The following MYO9B variants were observed in gnomAD, a reference collection of about 807,000 sequenced individuals.
The protein encoded by MYO9B is myosin IXB, also known as unconventional myosin-IXb.
A neutral mutation model predicts 229.5 loss-of-function variants in MYO9B; 71 were observed. The observed-to-expected ratio is 0.31, with a 90% CI of 0.26 to 0.38. The LOEUF is 0.38. Among genes scored for constraint, MYO9B ranks in the 10% least tolerant of loss-of-function variants. The pLI is 1.00. For synonymous variants in MYO9B, 1,185 were observed against 1,235.8 expected (o/e 0.96, Z 0.86); for missense variants, 2,255 against 2,920.5 (o/e 0.77, Z 5.25).
In MYO9B at chr19:17,188,027, C is replaced by T. The variant is rs368693824; in HGVS notation, c.2670C>T (p.Ser890=). ...ETVRIRRSGY[S]AKYTFQDFTE... is the part of the protein sequence containing the mutation. Reference sequence around the variant, plus strand: ...TGCGCATCCGGAGGTCAGGGTACAGCGCCAAGTACACGTTCCAGGTAGGCC... The same window carrying T: ...TGCGCATCCGGAGGTCAGGGTACAGTGCCAAGTACACGTTCCAGGTAGGCC... The change falls in exon 19 of 40, where the codon AGC becomes AGT. Residue 890 remains serine, a synonymous_variant. Transcript: ENST00000682292. The T allele has an allele frequency of 1.2e-4, 185 of 1,596,406 alleles. No individual in the cohort carries two copies. Among genetic ancestry groups the T allele is most frequent in the Admixed American group, 6.6e-4 (38 of 57,298 alleles).
intron 2 of MYO9B, among the ~76,000 whole-genome samples, chr19:17,115,161 TTTCC>T (rs757514269): frequency 1.2e-3 from 183 of 152,172 alleles, no homozygotes; most frequent in Non-Finnish European, 2.2e-3. Context: ...CAAGGTTTCA[TTTCC>T]TTTGGTATCT....
At chr19:17,152,580 ACTC>A in intron 3 of MYO9B, 61 bp from the exon 4 acceptor site, 2 of 1,425,162 alleles carry the variant, frequency 1.4e-6, no homozygotes, top group Non-Finnish European at 1.9e-6. Context: ...AAAAAAAACA[ACTC>A]AATATTAACA....
In MYO9B at chr19:17,212,865, A is replaced by C. The variant is rs56318210; in HGVS notation, c.*555A>C. The stretch of plus-strand genomic sequence containing the variant: ...GTCACCTGACCCGTGCCTCTCTGAC[A>C]CATGTCTCCGGGGGGCAGCCACCTG... On this transcript the variant is annotated 3_prime_UTR_variant, in exon 40 of 40. Transcript: ENST00000682292. The surrounding 1 kb of genome is among the most constrained non-coding windows in gnomAD (Gnocchi z 5.4). 2 of 152,266 alleles carry C rather than the reference A, an allele frequency of 1.3e-5. No individual in the cohort carries two copies. The highest frequency in any genetic ancestry group is 4.8e-5 in the African/African-American group (2 of 41,384). The allele number at this position is 152,266 out of a possible 1,614,324, so 9.4% of individuals were successfully genotyped here. A position where few individuals can be genotyped will look rare whatever the true frequency, so the allele number is the denominator to read the frequency against.
intron 2 of MYO9B, among the ~76,000 whole-genome samples, chr19:17,108,866 A>G (rs952442253): frequency 1.3e-5 from 2 of 150,126 alleles, no homozygotes; most frequent in Non-Finnish European, 3.0e-5. Flanking sequence ...GGCGCCCACC[A>G]CCGTGCCCGG....
At chr19:17,110,021 C>A (rs192034405) in intron 2 of MYO9B, among the ~76,000 whole-genome samples, 3 of 152,198 alleles carry the variant, frequency 2.0e-5, no homozygotes, top group African/African-American at 4.8e-5. Context: ...CCCAGCCCCC[C>A]GTTCAGGCTG....
At chr19:17,175,529 A>G in intron 13 of MYO9B, 134 bp from the exon 14 acceptor site, 1 of 549,494 alleles carries the variant, frequency 1.8e-6, no homozygotes, top group Non-Finnish European at 3.0e-6. Flanking sequence ...CAGTGGGCCG[A>G]GATCGCGCCA....
intron 2 of MYO9B, among the ~76,000 whole-genome samples, chr19:17,143,750 G>A (rs757889893): frequency 1.4e-4 from 22 of 152,018 alleles, no homozygotes; most frequent in Non-Finnish European, 1.9e-4. Flanking sequence ...GTGAAACCCC[G>A]TCTCTACTAC....
At chr19:17,096,712 T>TG (rs1187211057) in intron 1 of MYO9B, among the ~76,000 whole-genome samples, 2 of 146,276 alleles carry the variant, frequency 1.4e-5, no homozygotes, top group African/African-American at 2.5e-5. Context: ...GTTGGTTTTT[T>TG]TTTTTTTTTT....
chr19:17,125,939 C>G (rs990610113), intron 2 of MYO9B, among the ~76,000 whole-genome samples: 2 of 152,196 alleles, frequency 1.3e-5, no homozygotes, highest in South Asian at 2.1e-4. Flanking sequence ...CGCAGGCCAA[C>G]TGAGCCTGCA....
chr19:17,134,812 G>A (rs1192163623), intron 2 of MYO9B, among the ~76,000 whole-genome samples: 1 of 151,656 alleles, frequency 6.6e-6, no homozygotes, highest in Admixed American at 6.6e-5. Context: ...TGCTCAGGTC[G>A]GAGTGCAGTA....
At chr19:17,096,385 G>A (rs2057688617) in intron 1 of MYO9B, among the ~76,000 whole-genome samples, 2 of 152,038 alleles carry the variant, frequency 1.3e-5, no homozygotes, top group Admixed American at 6.6e-5. Flanking sequence ...AGCAGATGAG[G>A]GCCAGGCACA....
chr19:17,154,891 G>A (rs1239827550), intron 6 of MYO9B, among the ~76,000 whole-genome samples: 1 of 152,186 alleles, frequency 6.6e-6, no homozygotes, highest in African/African-American at 2.4e-5. Context: ...GGGCCTGGGA[G>A]GACAAGGCTG....
In MYO9B at chr19:17,158,916, A is replaced by G. The variant is rs1449547849; in HGVS notation, c.1330-479A>G. Among the ~76,000 whole-genome samples the G allele has an allele frequency of 2.0e-5, 3 of 152,226 alleles. No homozygotes were observed. The East Asian group carries it at 5.8e-4, about 29-fold the overall frequency. ...AGTGTAAAACAGTACATCGCAGGCC[A>G]GGTGCAGCGGCTCACGCCTATAATC... On this transcript the variant is annotated intron_variant, in intron 7 of 39. Coordinates refer to ENST00000682292, the MANE Select transcript of MYO9B (RefSeq NM_004145.4).
At chr19:17,135,574 A>G (rs370315651) in intron 2 of MYO9B, among the ~76,000 whole-genome samples, 19 of 152,262 alleles carry the variant, frequency 1.2e-4, no homozygotes, top group East Asian at 1.2e-3. Flanking sequence ...TCCCCCTCGG[A>G]TGTATAATAG....
intron 18 of MYO9B, 121 bp downstream of exon 18, chr19:17,186,122 G>A (rs1568291710): frequency 3.7e-6 from 3 of 804,178 alleles, no homozygotes; most frequent in Non-Finnish European, 6.1e-6. Flanking sequence ...AGTCCATCCA[G>A]AGGCAGCCGG....
chr19:17,197,301 G>A (rs906191834), intron 22 of MYO9B, among the ~76,000 whole-genome samples: 1 of 150,198 alleles, frequency 6.7e-6, no homozygotes, highest in African/African-American at 2.5e-5. Context: ...GATAGATAGA[G>A]ATGACAGATG....
chr19:17,194,815 C>G lies in MYO9B; in HGVS notation c.3388C>G (p.Gln1130Glu), dbSNP rs1019083345. 7 of 1,613,308 alleles carry G rather than the reference C, an allele frequency of 4.3e-6. No homozygotes were observed. In the African/African-American group the frequency reaches 9.3e-5, roughly 22 times the overall value. ...AAGCCCAGAGAAGACTCTCCCACCCCAGAAAACCGTGGCGGCTGAAAGTCA... is the reference window on the plus strand; with the variant it reads ...AAGCCCAGAGAAGACTCTCCCACCCGAGAAAACCGTGGCGGCTGAAAGTCA... ...APSPEKTLPP[Q>E]KTVAAESHEK... The change falls in exon 22 of 40, where the codon CAG (glutamine) becomes GAG (glutamate). Residue 1130 changes from glutamine to glutamate, a missense_variant. Coordinates refer to ENST00000682292, the MANE Select transcript of MYO9B (RefSeq NM_004145.4).
rs745821027 is a variant in MYO9B at position 17,102,297 on chromosome 19, A to G, written c.580A>G (p.Ile194Val). 3 of 1,614,028 alleles carry G rather than the reference A, an allele frequency of 1.9e-6. No individual in the cohort carries two copies. Among genetic ancestry groups the G allele is most frequent in the Non-Finnish European group, 2.5e-6 (3 of 1,179,900 alleles). Reference protein sequence around the residue: ...VAINPFKFLPIYNPKYVKMYE... With the variant: ...VAINPFKFLPVYNPKYVKMYE... ...CATCAACCCCTTTAAGTTCCTGCCC[A>G]TCTACAACCCCAAGTACGTGAAGAT... Residue 194 changes from isoleucine to valine, a missense_variant, in exon 2 of 40, where the codon ATC becomes GTC. This residue lies in a region of MYO9B where 386 missense variants were observed against 515.2 expected (regional missense o/e 0.75). Transcript: ENST00000682292.
In MYO9B at chr19:17,089,584, G is replaced by A. The variant is rs563231907; in HGVS notation, c.-58-12076G>A. On this transcript the variant is annotated intron_variant, in intron 1 of 39. Transcript: ENST00000682292. ...CCTTGAGAGCGGCTAATTCACATCCGGCCACTGACCCCCACCCCCAGGGCC... is the reference window on the plus strand; with the variant it reads ...CCTTGAGAGCGGCTAATTCACATCCAGCCACTGACCCCCACCCCCAGGGCC... Among the ~76,000 whole-genome samples the A allele has an allele frequency of 2.0e-4, 30 of 152,142 alleles. 1 individual carries two copies. In the East Asian group the frequency reaches 3.5e-3, roughly 18 times the overall value.
Sources: allele counts gnomAD v4.1 joint callset (sites outside exome capture counted in the v4.1 genomes callset), GRCh38; gene constraint gnomAD v4.1.1; regional missense constraint gnomAD v4.1.1; non-coding constraint Gnocchi (gnomAD v3.1); transcripts MANE v1.5; gene names NCBI Gene and HGNC (gene_info 2026-07-23, HGNC 2026-07-21).